OTUD7A: variants seen among roughly 807,000 people sequenced by gnomAD.
OTUD7A encodes OTU domain-containing protein 7A.
In OTUD7A, 12 loss-of-function variants were observed where a neutral mutation model predicts 65.7. That is an observed-to-expected ratio of 0.18 (90% CI 0.12 to 0.30). OTUD7A has a LOEUF of 0.30. OTUD7A is among the 10% of genes least tolerant of loss of function. The pLI, the probability that OTUD7A is intolerant of heterozygous loss-of-function variation, is 1.00. For synonymous variants in OTUD7A, 641 were observed against 586.3 expected (o/e 1.09, Z -1.35); for missense variants, 1,148 against 1,304.8 (o/e 0.88, Z 1.85).
At chr15:31,666,506 GTTAT>G (rs1566967452) in intron 1 of OTUD7A, among the ~76,000 whole-genome samples, 1 of 152,010 alleles carries the variant, frequency 6.6e-6, no homozygotes, top group African/African-American at 2.4e-5. Context: ...TCTTAATGAG[GTTAT>G]TTAGATTTTC....
intron 1 of OTUD7A, among the ~76,000 whole-genome samples, chr15:31,672,101 C>T (rs965451219): frequency 5.9e-5 from 9 of 152,270 alleles, no homozygotes; most frequent in Middle Eastern, 6.8e-3. Flanking sequence ...TAATCGTTGT[C>T]AGGCTTTATA....
At chr15:31,843,594 C>T (rs945891806) in intron 1 of OTUD7A, among the ~76,000 whole-genome samples, 3 of 152,216 alleles carry the variant, frequency 2.0e-5, no homozygotes, top group Non-Finnish European at 2.9e-5. Flanking sequence ...AACAACATCA[C>T]AGATGAGCCC....
chr15:31,796,207 T>TG lies in OTUD7A; in HGVS notation c.-100+74299_-100+74300insC, dbSNP rs1382079331. 1.6e-3 allele frequency among the ~76,000 whole-genome samples: 233 copies of TG among 143,870 alleles called. 2 individuals carry two copies. The highest frequency in any genetic ancestry group is 6.3e-3 in the African/African-American group (222 of 35,338). 94.4% of individuals were successfully genotyped at this position (143,870 alleles called of 152,430 possible). ...TATGCATTATCTATCTATCTATCTATCTATCTATCTATCTATCTATCTATC... is the reference window on the plus strand; with the variant it reads ...TATGCATTATCTATCTATCTATCTATGCTATCTATCTATCTATCTATCTATC... On this transcript the variant is annotated intron_variant, in intron 1 of 12. Transcript: ENST00000307050.
rs150915202 is a variant in OTUD7A, at chr15:31,540,831, C to T, written c.551-10023G>A. ...TTTAGAGTAAGCACAACTGCTCTGA[C>T]ATTCATGCAAGAAAGACTATGAACT... On this transcript the variant is annotated intron_variant, in intron 5 of 12. Transcript: ENST00000307050. 1.2e-4 allele frequency among the ~76,000 whole-genome samples: 18 copies of T among 152,284 alleles called. No individual in the cohort carries two copies. The East Asian group carries it at 3.5e-3, about 29-fold the overall frequency.
At position 31,483,819 on chromosome 15, in the gene OTUD7A, C is replaced by A; in HGVS notation, c.2277G>T (p.Ala759=). 1.0e-6 allele frequency: 1 copy of A among 992,736 alleles called. No homozygotes were observed. The highest frequency in any genetic ancestry group is 1.2e-6 in the Non-Finnish European group (1 of 836,026). The allele number at this position is 992,736 out of a possible 1,614,324, so 61.5% of individuals were successfully genotyped here. A position where few individuals can be genotyped will look rare whatever the true frequency, so the allele number is the denominator to read the frequency against. The change falls in exon 13 of 13, where the codon GCG becomes GCT. Residue 759 remains alanine, a synonymous_variant. Coordinates refer to ENST00000307050, the MANE Select transcript of OTUD7A (RefSeq NM_001382637.1). ...TASPGGGARR[A]SASGPVPGRS... is the part of the protein sequence containing the mutation. ...GGCCAGGCACTGGTCCGCTGGCGCT[C>A]GCACGCCGCGCGCCTCCCCCCGGGG...
At chr15:31,582,797 C>CA (rs1191365396) in intron 3 of OTUD7A, among the ~76,000 whole-genome samples, 2 of 152,122 alleles carry the variant, frequency 1.3e-5, no homozygotes. Context: ...ACAGCAATGT[C>CA]AATGAGGGAT....
rs561257785 is a variant in OTUD7A at position 31,527,523 on chromosome 15, A to G, written c.653-215T>C. Among the ~76,000 whole-genome samples, 4 of 152,370 alleles carry G rather than the reference A, an allele frequency of 2.6e-5. No homozygotes were observed. The South Asian group carries it at 8.3e-4, about 32-fold the overall frequency. ...GAATGAAGCAGCACATCCTGTTCTT[A>G]GCAAAACAATAGTGGGTGAAAATCA... On this transcript the variant is annotated intron_variant, in intron 6 of 12. Transcript: ENST00000307050.
chr15:31,532,803 G>A (rs1490022811), intron 5 of OTUD7A, among the ~76,000 whole-genome samples: 2 of 151,646 alleles, frequency 1.3e-5, no homozygotes, highest in Non-Finnish European at 2.9e-5. Flanking sequence ...GCGTGGTGGC[G>A]GGCGCCTGTA....
chr15:31,654,870 C>T (rs1219284501), intron 3 of OTUD7A, among the ~76,000 whole-genome samples: 2 of 152,180 alleles, frequency 1.3e-5, no homozygotes, highest in Non-Finnish European at 2.9e-5. Context: ...CTAAGGCCTA[C>T]CACAAAAGTA....
intron 1 of OTUD7A, among the ~76,000 whole-genome samples, chr15:31,741,066 A>C (rs1449831478): frequency 6.6e-6 from 1 of 152,250 alleles, no homozygotes; most frequent in Non-Finnish European, 1.5e-5. Flanking sequence ...CTCTTAGTAC[A>C]AATGAAACAT....
chr15:31,595,859 G>A (rs183742819), intron 3 of OTUD7A, among the ~76,000 whole-genome samples: 14 of 152,228 alleles, frequency 9.2e-5, no homozygotes, highest in Admixed American at 5.2e-4. Context: ...GGAGGTCACT[G>A]TCAGTGTCCA....
intron 5 of OTUD7A, 116 bp from the exon 6 acceptor site, chr15:31,530,924 G>C (rs2042077275): frequency 4.4e-6 from 3 of 681,590 alleles, no homozygotes; most frequent in Admixed American, 6.2e-5. Context: ...CAATAGAAAG[G>C]GGGAACATTA....
At position 31,652,916 on chromosome 15, in the gene OTUD7A, T is replaced by C. The variant is rs566431434; in HGVS notation, c.151+2180A>G. ...GTGGTACAGAACTCTGGAAAACAGG[T>C]TGGCAGTTTCTTACAAGGTTAACAT... On this transcript the variant is annotated intron_variant, in intron 3 of 12. Coordinates refer to ENST00000307050, the MANE Select transcript of OTUD7A (RefSeq NM_001382637.1). 1.3e-4 allele frequency among the ~76,000 whole-genome samples: 20 copies of C among 152,228 alleles called. No individual in the cohort carries two copies. The South Asian group carries it at 1.7e-3, about 13-fold the overall frequency.
chr15:31,547,579 A>C (rs1035590202), intron 5 of OTUD7A, among the ~76,000 whole-genome samples: 1 of 152,252 alleles, frequency 6.6e-6, no homozygotes, highest in Non-Finnish European at 1.5e-5. Context: ...TGACAATGCA[A>C]TAGTGACTTA....
chr15:31,573,727 C>G (rs960152400), intron 3 of OTUD7A, among the ~76,000 whole-genome samples: 3 of 152,126 alleles, frequency 2.0e-5, no homozygotes, highest in Non-Finnish European at 4.4e-5. Flanking sequence ...ATGGCGAAAC[C>G]CTGTCTCTAC....
chr15:31,646,388 G>T (rs1357833068), intron 3 of OTUD7A, among the ~76,000 whole-genome samples: 1 of 152,000 alleles, frequency 6.6e-6, no homozygotes, highest in Non-Finnish European at 1.5e-5. Flanking sequence ...CAGAGAGGAA[G>T]TGTCTTTCTT....
At chr15:31,696,327 C>T (rs1271549892) in intron 1 of OTUD7A, among the ~76,000 whole-genome samples, 6 of 133,858 alleles carry the variant, frequency 4.5e-5, no homozygotes, top group Non-Finnish European at 8.3e-5. Flanking sequence ...TCTGGCAAGT[C>T]ACAGGCAGCA....
At chr15:31,708,896 G>GT (rs1893367313) in intron 1 of OTUD7A, among the ~76,000 whole-genome samples, 1 of 151,390 alleles carries the variant, frequency 6.6e-6, no homozygotes, top group Admixed American at 6.6e-5. Flanking sequence ...AGAGATACAG[G>GT]TGGCCTGGGC....
Position 31,484,744 on chromosome 15 carries a change from C to T in OTUD7A, c.1372-20G>A. ...GGGCGCCTGTGTGGAGAGGGAGGGC[C>T]GGATCGAAGGTGGTTAGAGAAGAGC... On this transcript the variant is annotated intron_variant, in intron 12 of 12. Coordinates refer to ENST00000307050, the MANE Select transcript of OTUD7A (RefSeq NM_001382637.1). The surrounding 1 kb of genome is among the most constrained non-coding windows in gnomAD (Gnocchi z 4.5). 6.3e-7 allele frequency: 1 copy of T among 1,586,892 alleles called. No homozygotes were observed. Among genetic ancestry groups the T allele is most frequent in the Non-Finnish European group, 8.5e-7 (1 of 1,173,392 alleles).
Sources: gnomAD v4.1 joint callset for allele counts (sites outside exome capture counted in the v4.1 genomes callset) on GRCh38, gnomAD v4.1.1 for gene constraint, Gnocchi (gnomAD v3.1) non-coding constraint, MANE v1.5 for transcripts, NCBI Gene and HGNC (gene_info 2026-07-23, HGNC 2026-07-21) for gene names.